PPIL1: variants seen among roughly 807,000 people sequenced by gnomAD.
The protein encoded by PPIL1 is peptidyl-prolyl cis-trans isomerase-like 1.
In PPIL1, 14 loss-of-function variants were observed where a neutral mutation model predicts 19.4. That is an observed-to-expected ratio of 0.72 (90% CI 0.48 to 1.13). The LOEUF is 1.13. PPIL1 is among the 50% of genes most tolerant of loss of function. The probability of loss-of-function intolerance (pLI) is 0.00; values close to 1 mark genes in which losing one functional copy is unlikely to be tolerated. For missense variants in PPIL1, 192 were observed against 218.0 expected (o/e 0.88, Z 0.75); for synonymous variants, 72 against 73.6 (o/e 0.98, Z 0.11).
intron 2 of PPIL1, among the ~76,000 whole-genome samples, chr6:36,863,445 C>T (rs906462628): frequency 2.6e-5 from 4 of 152,152 alleles, no homozygotes; most frequent in East Asian, 1.9e-4. Flanking sequence ...CCTACCACCA[C>T]GTACCCAATC....
At chr6:36,860,293 C>T (rs565543837) in intron 2 of PPIL1, among the ~76,000 whole-genome samples, 2 of 152,042 alleles carry the variant, frequency 1.3e-5, no homozygotes, top group African/African-American at 4.8e-5. Flanking sequence ...TGGTGAAACT[C>T]GTCTCTACAA....
intron 1 of PPIL1, among the ~76,000 whole-genome samples, chr6:36,873,519 A>C (rs762854400): frequency 3.9e-5 from 6 of 152,274 alleles, no homozygotes; most frequent in Non-Finnish European, 8.8e-5. Flanking sequence ...ATCATCCAAC[A>C]AACTGTTGAT....
At chr6:36,857,121 C>A (rs1774184045) in intron 2 of PPIL1, among the ~76,000 whole-genome samples, 1 of 152,180 alleles carries the variant, frequency 6.6e-6, no homozygotes, top group East Asian at 1.9e-4. Flanking sequence ...TTCTTCCCTG[C>A]TGAGCTAGAT....
chr6:36,861,988 G>A (rs1273729101), intron 2 of PPIL1, among the ~76,000 whole-genome samples: 25 of 152,128 alleles, frequency 1.6e-4, no homozygotes, highest in Admixed American at 1.6e-3. Context: ...GAGCCACTGT[G>A]CCTGGCCTGT....
intron 2 of PPIL1, among the ~76,000 whole-genome samples, chr6:36,857,703 G>A (rs546206525): frequency 6.6e-6 from 1 of 151,180 alleles, no homozygotes; most frequent in Non-Finnish European, 1.5e-5. Flanking sequence ...GGACTGCTTT[G>A]AGCCCAGGAG....
At chr6:36,868,881 A>G (rs961260673) in intron 2 of PPIL1, among the ~76,000 whole-genome samples, 3 of 152,128 alleles carry the variant, frequency 2.0e-5, no homozygotes, top group Non-Finnish European at 4.4e-5. Flanking sequence ...AACAACAACA[A>G]AAAACCAAAC....
intron 2 of PPIL1, among the ~76,000 whole-genome samples, chr6:36,868,755 G>C (rs1300381398): frequency 2.6e-5 from 4 of 152,000 alleles, no homozygotes; most frequent in Admixed American, 6.6e-5. Context: ...AGAAATGCTT[G>C]AGCCCAGGGG....
rs916850132 is a variant in PPIL1 at position 36,874,597 on chromosome 6, G to T, written c.56+120C>A. On this transcript the variant is annotated intron_variant, in intron 1 of 3. Coordinates refer to ENST00000373699, the MANE Select transcript of PPIL1 (RefSeq NM_016059.5). ...CCCTCTGGGGGCCGTCTCGGCCGCT[G>T]CTCCACGCCCCTCCACGTGGAGGCC... 5 of 1,353,202 alleles carry T rather than the reference G, an allele frequency of 3.7e-6. No individual in the cohort carries two copies. The African/African-American group carries it at 4.4e-5, about 12-fold the overall frequency. 83.8% of individuals were successfully genotyped at this position (1,353,202 alleles called of 1,614,324 possible).
At chr6:36,867,955 T>C (rs1267898197) in intron 2 of PPIL1, among the ~76,000 whole-genome samples, 1 of 152,020 alleles carries the variant, frequency 6.6e-6, no homozygotes, top group East Asian at 1.9e-4. Flanking sequence ...GGTGTTGACA[T>C]CAAGCATGGA....
chr6:36,867,605 G>C (rs1004455829), intron 2 of PPIL1, among the ~76,000 whole-genome samples: 3 of 152,208 alleles, frequency 2.0e-5, no homozygotes, highest in African/African-American at 7.2e-5. Context: ...GGGCAGGCAC[G>C]CAGGGCTGGC....
intron 2 of PPIL1, among the ~76,000 whole-genome samples, chr6:36,857,459 C>T (rs1434308206): frequency 1.3e-5 from 2 of 151,746 alleles, no homozygotes; most frequent in Non-Finnish European, 2.9e-5. Flanking sequence ...TTGAGCTGGG[C>T]CACAGAGCGA....
chr6:36,864,709 C>A (rs544651302), intron 2 of PPIL1, among the ~76,000 whole-genome samples: 1 of 152,246 alleles, frequency 6.6e-6, no homozygotes, highest in East Asian at 1.9e-4. Context: ...TCCTTCAATG[C>A]ACAGGACAGC....
rs1774516234 is a variant in PPIL1, at chr6:36,871,796, G to A, written c.133C>T (p.Arg45Ter). 1.9e-6 allele frequency: 3 copies of A among 1,611,426 alleles called. No homozygotes were observed. Among genetic ancestry groups the A allele is most frequent in the Admixed American group, 1.7e-5 (1 of 59,580 alleles). ...TCKNFAELAR[R>*]GYYNGTKFHR... Reference sequence around the variant, plus strand: ...AATTTTGTGCCATTGTAGTAACCTCGACGAGCCAACTCAGCAAAGTTCTTA... The same window carrying A: ...AATTTTGTGCCATTGTAGTAACCTCAACGAGCCAACTCAGCAAAGTTCTTA... Residue 45 changes from arginine (R) to a stop codon, truncating the protein, a stop_gained, in exon 2 of 4, where the codon CGA becomes TGA. Transcript: ENST00000373699. LOFTEE classifies it high-confidence loss of function.
chr6:36,871,438 T>C (rs1188651697), intron 2 of PPIL1, among the ~76,000 whole-genome samples: 1 of 152,238 alleles, frequency 6.6e-6, no homozygotes, highest in Non-Finnish European at 1.5e-5. Context: ...CAGACAAATA[T>C]TATTTGTTCT....
At chr6:36,857,870 G>A (rs1159266994) in intron 2 of PPIL1, among the ~76,000 whole-genome samples, 1 of 152,134 alleles carries the variant, frequency 6.6e-6, no homozygotes, top group Non-Finnish European at 1.5e-5. Flanking sequence ...TTTATATTAT[G>A]CCCACAAGAG....
chr6:36,863,691 A>G (rs1774336382), intron 2 of PPIL1, among the ~76,000 whole-genome samples: 1 of 152,072 alleles, frequency 6.6e-6, no homozygotes, highest in African/African-American at 2.4e-5. Flanking sequence ...TTGCTTGAAC[A>G]TGCTCCATTC....
intron 2 of PPIL1, among the ~76,000 whole-genome samples, chr6:36,859,151 G>A (rs1053996184): frequency 6.6e-6 from 1 of 152,158 alleles, no homozygotes; most frequent in Non-Finnish European, 1.5e-5. Flanking sequence ...GATGGGCTGG[G>A]CATGGTGGCT....
At chr6:36,859,577 T>C (rs1469924416) in intron 2 of PPIL1, among the ~76,000 whole-genome samples, 2 of 152,020 alleles carry the variant, frequency 1.3e-5, no homozygotes, top group Non-Finnish European at 2.9e-5. Context: ...TTCAACTCAG[T>C]AGGGTTTGCG....
Position 36,856,051 on chromosome 6 carries a change from G to A in PPIL1, c.281-18C>T. ...TCCAGCCCCTGGTGGGAAAAAGGAA[G>A]AAAGGAAAGAGTATAAATAACCCCA... On this transcript the variant is annotated intron_variant, in intron 3 of 3. Transcript: ENST00000373699. The A allele has an allele frequency of 1.2e-6, 2 of 1,609,824 alleles. No individual in the cohort carries two copies. The highest frequency in any genetic ancestry group is 1.7e-6 in the Non-Finnish European group (2 of 1,177,320).
Sources: allele counts gnomAD v4.1 joint callset (sites outside exome capture counted in the v4.1 genomes callset), GRCh38; gene constraint gnomAD v4.1.1; transcripts MANE v1.5; gene names NCBI Gene and HGNC (gene_info 2026-07-23, HGNC 2026-07-21).